The following ZNF704 variants were observed in gnomAD, a reference collection of about 807,000 sequenced individuals.
The protein encoded by ZNF704 is glucocorticoid induced gene 1.
A neutral mutation model predicts 44.7 loss-of-function variants in ZNF704; 10 were observed. That is an observed-to-expected ratio of 0.22 (90% confidence interval 0.14 to 0.38). ZNF704 has a LOEUF of 0.38. Ranked by LOEUF, ZNF704 falls within the 10% of genes least tolerant of loss-of-function variation. ZNF704 has a pLI of 1.00. For missense variants in ZNF704, 390 were observed against 545.5 expected (o/e 0.71, Z 2.84); for synonymous variants, 211 against 207.6 (o/e 1.02, Z -0.14).
chr8:80,633,999 C>T lies in ZNF704; in HGVS notation c.*7367G>A, dbSNP rs1817627336. On this transcript the variant is annotated 3_prime_UTR_variant, in exon 9 of 9. Transcript: ENST00000327835. ...TACCAGTTCTGAAGCAAGGCTTCTG[C>T]TGTATCAGAGGTGAAGCAGTGGTAA... 1 of 152,238 alleles carries T rather than the reference C, an allele frequency of 6.6e-6. No homozygotes were observed. Among genetic ancestry groups the T allele is most frequent in the Non-Finnish European group, 1.5e-5 (1 of 68,058 alleles). The allele number at this position is 152,238 out of a possible 1,614,324, so 9.4% of individuals were successfully genotyped here. A position where few individuals can be genotyped will look rare whatever the true frequency, so the allele number is the denominator to read the frequency against.
chr8:80,768,449 C>G (rs1274033342), intron 2 of ZNF704, among the ~76,000 whole-genome samples: 1 of 152,054 alleles, frequency 6.6e-6, no homozygotes, highest in Admixed American at 6.6e-5. Context: ...TCCACATGAA[C>G]ACAAAAAGGT....
chr8:80,730,908 G>C (rs1806570316), intron 2 of ZNF704, among the ~76,000 whole-genome samples: 1 of 152,136 alleles, frequency 6.6e-6, no homozygotes, highest in South Asian at 2.1e-4. Context: ...GAAACAAATA[G>C]ATTCATATAA....
At chr8:80,826,477 G>C (rs901050767) in intron 1 of ZNF704, among the ~76,000 whole-genome samples, 11 of 152,054 alleles carry the variant, frequency 7.2e-5, no homozygotes, top group Non-Finnish European at 1.3e-4. Flanking sequence ...GGATTCACAG[G>C]CGAATTCTAC....
At chr8:80,695,842 T>TG (rs1379354406) in intron 2 of ZNF704, among the ~76,000 whole-genome samples, 3 of 152,228 alleles carry the variant, frequency 2.0e-5, no homozygotes, top group Non-Finnish European at 4.4e-5. Context: ...AGAGTGTTTT[T>TG]GGATTTGGAT....
intron 2 of ZNF704, among the ~76,000 whole-genome samples, chr8:80,758,768 A>T (rs1807080062): frequency 6.6e-6 from 1 of 152,200 alleles, no homozygotes; most frequent in Non-Finnish European, 1.5e-5. Flanking sequence ...AATCAGGTGC[A>T]TTTTATAATC....
In ZNF704 at chr8:80,860,282, T is replaced by C. The variant is rs116121215; in HGVS notation, c.-22+14289A>G. Among the ~76,000 whole-genome samples the C allele has an allele frequency of 6.5e-3, 993 of 152,314 alleles. 10 individuals carry two copies. The highest frequency in any genetic ancestry group is 0.022 in the African/African-American group (929 of 41,558). ...ATGGACAACATATGAAATCAGTGTG[T>C]ACCTACCTCATTGACCGCTGTGTCT... On this transcript the variant is annotated intron_variant, in intron 1 of 8. Transcript: ENST00000327835.
intron 2 of ZNF704, among the ~76,000 whole-genome samples, chr8:80,703,286 T>G (rs1423175846): frequency 6.6e-6 from 1 of 152,016 alleles, no homozygotes; most frequent in Non-Finnish European, 1.5e-5. Context: ...TGCCTGCTTC[T>G]ACTTACCCTT....
At chr8:80,784,404 T>G (rs529002500) in intron 2 of ZNF704, among the ~76,000 whole-genome samples, 1 of 152,326 alleles carries the variant, frequency 6.6e-6, no homozygotes, top group African/African-American at 2.4e-5. Context: ...AGAGTTTCTG[T>G]TGTTCCACTT....
At chr8:80,772,580 G>C (rs1807339223) in intron 2 of ZNF704, among the ~76,000 whole-genome samples, 1 of 151,998 alleles carries the variant, frequency 6.6e-6, no homozygotes, top group Non-Finnish European at 1.5e-5. Flanking sequence ...AACAGCACTA[G>C]GGGGATGGTG....
chr8:80,713,861 T>C (rs1819031366), intron 2 of ZNF704, among the ~76,000 whole-genome samples: 1 of 152,178 alleles, frequency 6.6e-6, no homozygotes. Context: ...TGACATCGAG[T>C]AGAATATCCT....
intron 1 of ZNF704, among the ~76,000 whole-genome samples, chr8:80,835,362 A>C (rs1808541530): frequency 6.6e-6 from 1 of 152,202 alleles, no homozygotes; most frequent in Admixed American, 6.5e-5. Flanking sequence ...AAGGTTAAGA[A>C]CTTGTCTTGA....
intron 7 of ZNF704, among the ~76,000 whole-genome samples, chr8:80,649,179 A>T (rs1563504046): frequency 6.6e-6 from 1 of 152,198 alleles, no homozygotes. Flanking sequence ...AAGAGTCTAA[A>T]GAATTTTAAA....
intron 5 of ZNF704, among the ~76,000 whole-genome samples, chr8:80,669,875 C>A (rs997287620): frequency 6.6e-6 from 1 of 152,162 alleles, no homozygotes; most frequent in Non-Finnish European, 1.5e-5. Flanking sequence ...TTCATTTTAT[C>A]TTTCCTTTAG....
upstream of ZNF704, among the ~76,000 whole-genome samples, chr8:80,878,841 G>T: frequency 6.6e-6 from 1 of 151,602 alleles, no homozygotes; most frequent in East Asian, 1.9e-4. Flanking sequence ...TTTTTTTTTA[G>T]TGAGTGTTAA....
At chr8:80,782,669 G>T (rs997135592) in intron 2 of ZNF704, among the ~76,000 whole-genome samples, 1 of 152,124 alleles carries the variant, frequency 6.6e-6, no homozygotes, top group Admixed American at 6.6e-5. Context: ...GACGACCAGG[G>T]TAAGAAAGAG....
chr8:80,793,529 C>A (rs1301794096), intron 2 of ZNF704, among the ~76,000 whole-genome samples: 3 of 151,888 alleles, frequency 2.0e-5, no homozygotes, highest in Admixed American at 6.6e-5. Context: ...ACCATGTAAG[C>A]CCATTATTTA....
intron 2 of ZNF704, among the ~76,000 whole-genome samples, chr8:80,730,535 T>TC (rs1563534006): frequency 1.4e-5 from 1 of 73,760 alleles, no homozygotes; most frequent in African/African-American, 6.7e-5. Context: ...CAAGACTACA[T>TC]CTTAAAAAAA....
At chr8:80,659,227 T>C (rs1404940592) in intron 7 of ZNF704, among the ~76,000 whole-genome samples, 4 of 152,218 alleles carry the variant, frequency 2.6e-5, no homozygotes, top group Non-Finnish European at 4.4e-5. Context: ...ATAAATTTTA[T>C]AGTTACTTAT....
intron 2 of ZNF704, among the ~76,000 whole-genome samples, chr8:80,797,189 C>G (rs1807820564): frequency 6.6e-6 from 1 of 152,146 alleles, no homozygotes; most frequent in Non-Finnish European, 1.5e-5. Flanking sequence ...CAGCTCTGCC[C>G]CCATGGCATT....
Sources: gnomAD v4.1 joint callset for allele counts (sites outside exome capture counted in the v4.1 genomes callset) on GRCh38, gnomAD v4.1.1 for gene constraint, MANE v1.5 for transcripts, NCBI Gene and HGNC (gene_info 2026-07-23, HGNC 2026-07-21) for gene names.